The following NFIA variants were observed in gnomAD, a reference collection of about 807,000 sequenced individuals.
NFIA encodes the protein nuclear factor 1 A-type.
Under a neutral mutation model 62.8 loss-of-function variants are expected in NFIA, and 8 were observed. The ratio of observed to expected loss-of-function variants is 0.13; its 90% CI spans 0.07 to 0.23. The LOEUF is 0.23. Ranked by LOEUF, NFIA falls within the 10% of genes least tolerant of loss-of-function variation. The probability of loss-of-function intolerance (pLI) is 1.00; values close to 1 mark genes in which losing one functional copy is unlikely to be tolerated. For synonymous variants in NFIA, 235 were observed against 238.1 expected (o/e 0.99, Z 0.12); for missense variants, 410 against 642.1 (o/e 0.64, Z 3.91).
intron 10 of NFIA, 49 bp downstream of exon 10, chr1:61,426,605 T>G: frequency 7.2e-7 from 1 of 1,379,776 alleles, no homozygotes; most frequent in South Asian, 1.3e-5. Flanking sequence ...GTATTATTCA[T>G]CAGGTGCATT....
At position 61,366,316 on chromosome 1, in the gene NFIA, T is replaced by TA. The variant is rs957191198; in HGVS notation, c.946+7051dup. ...AAAAGTAAAGCAAATTTTTTTATTG[T>TA]AAAAAAAAATGAAATTACAGTACTT... is the stretch of plus-strand genomic sequence containing the variant. On this transcript the variant is annotated intron_variant, in intron 6 of 10. Transcript: ENST00000403491. Among the ~76,000 whole-genome samples, 31 of 151,248 alleles carry TA rather than the reference T, an allele frequency of 2.0e-4. 1 individual carries two copies. The highest frequency in any genetic ancestry group is 3.4e-3 in the Middle Eastern group (1 of 294).
At chr1:61,341,253 C>A (rs1041639350) in intron 4 of NFIA, among the ~76,000 whole-genome samples, 3 of 151,620 alleles carry the variant, frequency 2.0e-5, no homozygotes, top group Admixed American at 6.6e-5. Flanking sequence ...TTAGTAGAGA[C>A]GGGGTTTCAC....
intron 9 of NFIA, among the ~76,000 whole-genome samples, chr1:61,414,944 C>A (rs1352951820): frequency 6.6e-6 from 1 of 152,154 alleles, no homozygotes; most frequent in Non-Finnish European, 1.5e-5. Flanking sequence ...CAAACTCTTT[C>A]ATTGTTCTCA....
At chr1:61,307,372 T>G (rs556995953) in intron 3 of NFIA, among the ~76,000 whole-genome samples, 1 of 152,268 alleles carries the variant, frequency 6.6e-6, no homozygotes, top group African/African-American at 2.4e-5. Context: ...TCCCACTGGG[T>G]AATAAATCCG....
chr1:61,164,430 CT>C (rs199988366), intron 2 of NFIA, among the ~76,000 whole-genome samples: 1 of 151,640 alleles, frequency 6.6e-6, no homozygotes. Context: ...CTCAAGCTTT[CT>C]TTTTTTTGTT....
At chr1:61,407,116 T>G (rs183586786) in intron 9 of NFIA, among the ~76,000 whole-genome samples, 15 of 152,328 alleles carry the variant, frequency 9.8e-5, no homozygotes, top group Admixed American at 8.5e-4. Flanking sequence ...ACTTGCAGTC[T>G]AAGAGAAATG....
At chr1:61,153,648 G>A (rs1367433823) in intron 2 of NFIA, among the ~76,000 whole-genome samples, 1 of 152,228 alleles carries the variant, frequency 6.6e-6, no homozygotes, top group Non-Finnish European at 1.5e-5. Context: ...TCATGGGTAA[G>A]TGTATAGTTT....
At chr1:61,411,722 G>A (rs1209855843) in intron 9 of NFIA, among the ~76,000 whole-genome samples, 1 of 151,792 alleles carries the variant, frequency 6.6e-6, no homozygotes, top group Non-Finnish European at 1.5e-5. Context: ...AAATCAAGCC[G>A]AGAGGGGAGG....
At chr1:61,213,830 A>G (rs1273126195) in intron 2 of NFIA, among the ~76,000 whole-genome samples, 1 of 152,118 alleles carries the variant, frequency 6.6e-6, no homozygotes, top group Admixed American at 6.6e-5. Context: ...CTGCACACAG[A>G]TCATGCCCGC....
At chr1:61,271,984 G>A (rs770388549) in intron 2 of NFIA, among the ~76,000 whole-genome samples, 4 of 152,130 alleles carry the variant, frequency 2.6e-5, no homozygotes, top group Admixed American at 6.5e-5. Context: ...GTTATTGTAC[G>A]TTAATTTTCA....
intron 2 of NFIA, among the ~76,000 whole-genome samples, chr1:61,161,198 C>T (rs1163678115): frequency 6.6e-6 from 1 of 152,188 alleles, no homozygotes; most frequent in East Asian, 1.9e-4. Context: ...TACAGGTGTG[C>T]ACCACCGTGC....
chr1:61,105,114 G>C (rs1414638534), intron 2 of NFIA, among the ~76,000 whole-genome samples: 1 of 151,964 alleles, frequency 6.6e-6, no homozygotes, highest in Non-Finnish European at 1.5e-5. Context: ...ATAGGGGATT[G>C]TGTGTATTTT....
intron 2 of NFIA, among the ~76,000 whole-genome samples, chr1:61,134,845 A>AT (rs1262556430): frequency 1.3e-5 from 2 of 152,158 alleles, no homozygotes; most frequent in African/African-American, 2.4e-5. Context: ...ATAAAAACAA[A>AT]TTTTTTTAAA....
intron 4 of NFIA, among the ~76,000 whole-genome samples, chr1:61,349,971 C>T (rs1662462040): frequency 6.6e-6 from 1 of 152,192 alleles, no homozygotes; most frequent in Admixed American, 6.5e-5. Flanking sequence ...TGAGTTTAGT[C>T]CCCATCCCCA....
chr1:61,269,303 T>C (rs1343172962), intron 2 of NFIA, among the ~76,000 whole-genome samples: 1 of 152,174 alleles, frequency 6.6e-6, no homozygotes, highest in Non-Finnish European at 1.5e-5. Flanking sequence ...GAATACTTTC[T>C]ATTATGATAG....
intron 2 of NFIA, among the ~76,000 whole-genome samples, chr1:61,192,206 C>T (rs1372555958): frequency 6.6e-6 from 1 of 152,120 alleles, no homozygotes; most frequent in Non-Finnish European, 1.5e-5. Flanking sequence ...AATCCGCCCG[C>T]CTTGGCCTCC....
At chr1:61,295,482 T>C (rs974563814) in intron 3 of NFIA, among the ~76,000 whole-genome samples, 29 of 152,136 alleles carry the variant, frequency 1.9e-4, no homozygotes, top group African/African-American at 5.8e-4. Context: ...AAGTGGTACA[T>C]TGGATAATTC....
intron 2 of NFIA, among the ~76,000 whole-genome samples, chr1:61,176,090 G>A (rs1408732580): frequency 6.6e-6 from 1 of 152,190 alleles, no homozygotes; most frequent in African/African-American, 2.4e-5. Context: ...GAGAGGTTGG[G>A]GAGAACAGGG....
chr1:61,354,859 A>G (rs1028410922), intron 5 of NFIA, among the ~76,000 whole-genome samples: 1 of 152,166 alleles, frequency 6.6e-6, no homozygotes, highest in African/African-American at 2.4e-5. Context: ...GACAGCGTCT[A>G]GCTCTTCCCA....
Sources: allele counts gnomAD v4.1 joint callset (sites outside exome capture counted in the v4.1 genomes callset), GRCh38; gene constraint gnomAD v4.1.1; transcripts MANE v1.5; gene names NCBI Gene and HGNC (gene_info 2026-07-23, HGNC 2026-07-21).